Variants in DCC observed in about 807,000 individuals in gnomAD.
The protein encoded by DCC is netrin receptor DCC.
Under a neutral mutation model 172.5 loss-of-function variants are expected in DCC, and 58 were observed. That is an observed-to-expected ratio of 0.34 (90% CI 0.27 to 0.42). DCC has a LOEUF of 0.42. DCC is among the 10% of genes least tolerant of loss of function. The probability of loss-of-function intolerance (pLI) is 1.00; values close to 1 mark genes in which losing one functional copy is unlikely to be tolerated. For missense variants in DCC, 1,740 were observed against 1,791.0 expected (o/e 0.97, Z 0.51); for synonymous variants, 709 against 644.5 (o/e 1.10, Z -1.52).
At chr18:53,321,999 C>T (rs1332437524) in intron 13 of DCC, 48 bp from the exon 14 acceptor site, 6 of 1,001,794 alleles carry the variant, frequency 6.0e-6, no homozygotes, top group South Asian at 5.1e-5. Flanking sequence ...GGTAGGAATA[C>T]TTGGTGCATA....
intron 7 of DCC, among the ~76,000 whole-genome samples, chr18:53,102,990 G>T (rs1286818112): frequency 6.6e-6 from 1 of 152,050 alleles, no homozygotes; most frequent in Non-Finnish European, 1.5e-5. Flanking sequence ...TGAAAAACAT[G>T]AAATGCTTAG....
chr18:52,874,672 A>T (rs2039375567), intron 2 of DCC, among the ~76,000 whole-genome samples: 1 of 152,062 alleles, frequency 6.6e-6, no homozygotes, highest in East Asian at 1.9e-4. Flanking sequence ...GGATTTTGAA[A>T]ATATTTGGTA....
chr18:53,107,724 G>A (rs9966541), intron 7 of DCC, among the ~76,000 whole-genome samples: 30 of 151,836 alleles, frequency 2.0e-4, no homozygotes, highest in African/African-American at 7.2e-4. Flanking sequence ...TTAAAGAGAG[G>A]CTTTCTGCCT....
intron 1 of DCC, among the ~76,000 whole-genome samples, chr18:52,594,488 C>T (rs1055764684): frequency 1.3e-5 from 2 of 152,144 alleles, no homozygotes; most frequent in African/African-American, 4.8e-5. Context: ...GAACTGAAAC[C>T]TCATTGTTCC....
chr18:52,361,718 C>A (rs1396640522), intron 1 of DCC, among the ~76,000 whole-genome samples: 1 of 152,172 alleles, frequency 6.6e-6, no homozygotes, highest in African/African-American at 2.4e-5. Context: ...TTAACAAGAT[C>A]CCCAGGTGAT....
chr18:52,926,445 A>G (rs978878205), intron 5 of DCC, among the ~76,000 whole-genome samples: 1 of 151,864 alleles, frequency 6.6e-6, no homozygotes, highest in Non-Finnish European at 1.5e-5. Flanking sequence ...TATACTAACT[A>G]AAATATTAGC....
At chr18:53,251,650 G>A (rs1437795842) in intron 12 of DCC, among the ~76,000 whole-genome samples, 1 of 151,768 alleles carries the variant, frequency 6.6e-6, no homozygotes, top group African/African-American at 2.4e-5. Flanking sequence ...GTTACATACA[G>A]CACTATCAAA....
chr18:53,300,683 C>A (rs533317522), intron 12 of DCC, among the ~76,000 whole-genome samples: 32 of 152,252 alleles, frequency 2.1e-4, no homozygotes, highest in African/African-American at 7.2e-4. Context: ...CCCCTAGGAG[C>A]AATATTTCAG....
At chr18:53,526,545 G>C in intron 27 of DCC, 72 bp from the exon 28 acceptor site, 1 of 1,454,040 alleles carries the variant, frequency 6.9e-7, no homozygotes, top group Non-Finnish European at 9.7e-7. Context: ...CCTGGATATG[G>C]TGTATATACT....
chr18:53,026,896 A>G (rs1029829043), intron 5 of DCC, among the ~76,000 whole-genome samples: 2 of 152,086 alleles, frequency 1.3e-5, no homozygotes, highest in Non-Finnish European at 2.9e-5. Flanking sequence ...AAATTTGAAG[A>G]AGTCTATGAA....
intron 15 of DCC, among the ~76,000 whole-genome samples, chr18:53,369,079 C>T (rs1005916775): frequency 6.6e-5 from 10 of 151,930 alleles, no homozygotes; most frequent in African/African-American, 2.2e-4. Context: ...ACACGGGCTG[C>T]GTTTCTATAT....
At chr18:53,159,193 T>C (rs2054795982) in intron 8 of DCC, among the ~76,000 whole-genome samples, 1 of 152,132 alleles carries the variant, frequency 6.6e-6, no homozygotes, top group African/African-American at 2.4e-5. Flanking sequence ...CCAGTCATCA[T>C]GTTTTTACAT....
intron 1 of DCC, among the ~76,000 whole-genome samples, chr18:52,474,119 T>C (rs1364120908): frequency 1.3e-5 from 2 of 151,964 alleles, no homozygotes; most frequent in Non-Finnish European, 2.9e-5. Flanking sequence ...TCAGAATGGC[T>C]GACAACTGAG....
At chr18:52,985,302 A>C (rs1258954324) in intron 5 of DCC, among the ~76,000 whole-genome samples, 1 of 152,132 alleles carries the variant, frequency 6.6e-6, no homozygotes, top group Non-Finnish European at 1.5e-5. Context: ...GAGTCCTTGT[A>C]AATATCAAGC....
chr18:52,400,483 T>C (rs1986392617), intron 1 of DCC, among the ~76,000 whole-genome samples: 1 of 152,118 alleles, frequency 6.6e-6, no homozygotes, highest in Non-Finnish European at 1.5e-5. Context: ...GAAGCACTTT[T>C]ACGCTGTTGG....
At chr18:53,530,395 T>C (rs2046512461) in intron 28 of DCC, 169 bp from the exon 29 acceptor site, 1 of 707,414 alleles carries the variant, frequency 1.4e-6, no homozygotes, top group Non-Finnish European at 2.6e-6. Context: ...TTATCCCCTT[T>C]TATTACCAGC....
intron 3 of DCC, 144 bp downstream of exon 3, chr18:52,906,472 C>A: frequency 1.1e-6 from 1 of 911,608 alleles, no homozygotes; most frequent in Non-Finnish European, 1.7e-6. Context: ...TCTTCCTTGC[C>A]GAAGCATTCA....
At chr18:52,706,557 A>G (rs2036215300) in intron 1 of DCC, among the ~76,000 whole-genome samples, 1 of 152,194 alleles carries the variant, frequency 6.6e-6, no homozygotes, top group African/African-American at 2.4e-5. Context: ...TCCAAGTTCC[A>G]TTCTAATCTT....
Position 53,231,067 on chromosome 18 carries a change from C to T in DCC, c.1911+15470C>T, listed in dbSNP as rs546369742. 2.2e-3 allele frequency among the ~76,000 whole-genome samples: 327 copies of T among 151,796 alleles called. 13 individuals carry two copies. The South Asian group carries it at 0.064, about 30-fold the overall frequency. ...ATTTTTTCCTCCAGACTGAGGAGGA[C>T]GCAGATGTCAAGAAGTTTCCTATGG... On this transcript the variant is annotated intron_variant, in intron 12 of 28. Coordinates refer to ENST00000442544, the MANE Select transcript of DCC (RefSeq NM_005215.4).
Sources: allele counts gnomAD v4.1 joint callset (sites outside exome capture counted in the v4.1 genomes callset), GRCh38; gene constraint gnomAD v4.1.1; transcripts MANE v1.5; gene names NCBI Gene and HGNC (gene_info 2026-07-23, HGNC 2026-07-21).